PHF24: variants seen among roughly 807,000 people sequenced by gnomAD.
The protein encoded by PHF24 is Galpha inhibitory interacting protein.
In PHF24, 25 loss-of-function variants were observed where a neutral mutation model predicts 42.6. The observed-to-expected ratio is 0.59, with a 90% confidence interval of 0.43 to 0.82. The LOEUF is 0.82. Among genes scored for constraint, PHF24 ranks in the 40% least tolerant of loss-of-function variants. The pLI is 0.00. For missense variants in PHF24, 470 were observed against 538.1 expected, an observed-to-expected ratio of 0.87 and a Z score of 1.25; for synonymous variants, 185 against 204.8, an observed-to-expected ratio of 0.90 and a Z score of 0.83.
chr9:34,828,639 A>G, the PHF24 span, among the ~76,000 whole-genome samples: 2 of 152,166 alleles, frequency 1.3e-5, no homozygotes, highest in Non-Finnish European at 2.9e-5. Flanking sequence ...GAGGATCTCT[A>G]TGTTTTTAAA....
chr9:34,838,513 T>C, the PHF24 span: 1 of 1,330,888 alleles, frequency 7.5e-7, no homozygotes, highest in Non-Finnish European at 1.1e-6. Context: ...CTCATTAGCA[T>C]GAGATCAGCC....
At chr9:34,738,406 G>C in the PHF24 span, among the ~76,000 whole-genome samples, 2 of 152,016 alleles carry the variant, frequency 1.3e-5, no homozygotes, top group East Asian at 1.9e-4. Context: ...GCTGGAGTGC[G>C]GTGGTGCAAT....
chr9:34,750,701 G>C, the PHF24 span, among the ~76,000 whole-genome samples: 1 of 151,310 alleles, frequency 6.6e-6, no homozygotes, highest in Admixed American at 6.6e-5. Context: ...ACATACAATA[G>C]ATACACAAAA....
At chr9:34,954,956 ACTC>A (rs1295941160), upstream of PHF24, among the ~76,000 whole-genome samples, 1 of 151,934 alleles carries the variant, frequency 6.6e-6, no homozygotes, top group Non-Finnish European at 1.5e-5. Context: ...TCCTTTCCCA[ACTC>A]CTTTTTTATT....
the PHF24 span, chr9:34,836,162 C>T: frequency 2.5e-6 from 1 of 398,566 alleles, no homozygotes; most frequent in African/African-American, 2.1e-5. Context: ...GTCTAGAAGC[C>T]TACACCCCCT....
the PHF24 span, among the ~76,000 whole-genome samples, chr9:34,910,518 C>T: frequency 6.6e-6 from 1 of 152,182 alleles, no homozygotes; most frequent in Admixed American, 6.5e-5. Context: ...CTCAAATTAG[C>T]CATTTCATAA....
the PHF24 span, among the ~76,000 whole-genome samples, chr9:34,875,770 C>CATGCTTCCTCA: frequency 6.6e-6 from 1 of 152,014 alleles, no homozygotes; most frequent in African/African-American, 2.4e-5. Context: ...CAGGTGGGGA[C>CATGCTTCCTCA]ATGCTTCCTC....
the PHF24 span, among the ~76,000 whole-genome samples, chr9:34,876,249 C>T: frequency 6.6e-6 from 1 of 152,020 alleles, no homozygotes; most frequent in Non-Finnish European, 1.5e-5. Context: ...TGGAAGCAAC[C>T]GAGATGTCCT....
the PHF24 span, among the ~76,000 whole-genome samples, chr9:34,787,057 C>A: frequency 1.3e-5 from 2 of 151,944 alleles, no homozygotes; most frequent in Non-Finnish European, 2.9e-5. Context: ...ACCTCCAGAG[C>A]AAAATCAAGA....
the PHF24 span, chr9:34,723,208 T>C: frequency 3.9e-6 from 6 of 1,544,980 alleles, no homozygotes; most frequent in East Asian, 1.5e-4. Context: ...GACCAATGTT[T>C]CTATCTGAGG....
the PHF24 span, among the ~76,000 whole-genome samples, chr9:34,883,156 G>A: frequency 6.6e-6 from 1 of 152,170 alleles, no homozygotes; most frequent in African/African-American, 2.4e-5. Context: ...AAACTGGCTA[G>A]CCATATGTAG....
At chr9:34,832,846 T>C in the PHF24 span, 93 of 1,551,654 alleles carry the variant, frequency 6.0e-5, 1 homozygote, top group Middle Eastern at 1.3e-3. Flanking sequence ...CAGGAATTGT[T>C]GCTGGTTCAA....
upstream of PHF24, chr9:34,958,255 G>GCCGCCGCCGCCT (rs772771562): frequency 5.2e-4 from 79 of 153,224 alleles, no homozygotes; most frequent in Admixed American, 1.2e-3. The surrounding 1 kb of genome is among the most constrained non-coding windows in gnomAD (Gnocchi z 4.5). Context: ...CGCCGCCGCC[G>GCCGCCGCCGCCT]CCTCCTCAGC....
At chr9:34,772,514 A>T in the PHF24 span, among the ~76,000 whole-genome samples, 7 of 152,248 alleles carry the variant, frequency 4.6e-5, no homozygotes, top group African/African-American at 1.7e-4. Context: ...CATACAAGAT[A>T]TATAAAAAAT....
At chr9:34,866,193 C>T in the PHF24 span, among the ~76,000 whole-genome samples, 1 of 152,122 alleles carries the variant, frequency 6.6e-6, no homozygotes, top group Non-Finnish European at 1.5e-5. Context: ...TACTATTTCC[C>T]ACCAACTCTT....
chr9:34,834,873 G>A, the PHF24 span: 15 of 1,438,776 alleles, frequency 1.0e-5, no homozygotes, highest in Non-Finnish European at 1.4e-5. Context: ...AGCAGTTGGG[G>A]GAAGGAGAGA....
At chr9:34,778,459 G>A in the PHF24 span, among the ~76,000 whole-genome samples, 31 of 152,160 alleles carry the variant, frequency 2.0e-4, no homozygotes, top group African/African-American at 7.2e-4. Context: ...AACCATAGGA[G>A]AGCTACAGTG....
chr9:34,861,736 T>C, the PHF24 span, among the ~76,000 whole-genome samples: 1 of 152,190 alleles, frequency 6.6e-6, no homozygotes. Flanking sequence ...TTTATAAATA[T>C]AGAAGGAATT....
the PHF24 span, chr9:34,689,694 G>T: frequency 1.8e-6 from 2 of 1,091,436 alleles, no homozygotes; most frequent in East Asian, 4.7e-5. This position sits in a 1 kb window ranked among gnomAD's most constrained non-coding sequence, Gnocchi z 4.1. Context: ...CCCTGTCCTG[G>T]CTGGTCAGGT....
Sources: allele counts gnomAD v4.1 joint callset (sites outside exome capture counted in the v4.1 genomes callset), GRCh38; gene constraint gnomAD v4.1.1; non-coding constraint Gnocchi (gnomAD v3.1); transcripts MANE v1.5; gene names NCBI Gene and HGNC (gene_info 2026-07-23, HGNC 2026-07-21).